DMD: variants seen among roughly 807,000 people sequenced by gnomAD.
DMD encodes the protein mutant dystrophin.
DMD carries 63 observed loss-of-function variants against 330.1 expected under a neutral mutation model. That is an observed-to-expected ratio of 0.19 (90% CI 0.16 to 0.24). The LOEUF (loss-of-function observed/expected upper bound fraction) is 0.24, where lower values mean the gene tolerates loss of function less well. Among genes scored for constraint, DMD ranks in the 10% least tolerant of loss-of-function variants. The pLI is 1.00. For missense variants in DMD, 3,344 were observed against 2,684.1 expected, an observed-to-expected ratio of 1.25 and a Z score of -5.43; for synonymous variants, 1,223 against 959.8, an observed-to-expected ratio of 1.27 and a Z score of -5.07.
chrX:33,268,907 C>CAA (rs202219233), intron 1 of DMD, among the ~76,000 whole-genome samples: 677 of 43,258 alleles, frequency 0.016, 18 homozygotes, highest in African/African-American at 0.041. Context: ...GCCTGGGTGA[C>CAA]AAAAAAAAAA....
chrX:33,324,699 C>T (rs940437381), intron 1 of DMD, among the ~76,000 whole-genome samples: 1 of 111,312 alleles, frequency 9.0e-6, no homozygotes, highest in African/African-American at 3.3e-5. Flanking sequence ...CTCCCACACA[C>T]TTTTGACCTG....
At chrX:32,217,253 A>T (rs969081920) in intron 43 of DMD, among the ~76,000 whole-genome samples, 190 bp from the exon 44 acceptor site, 1 of 111,665 alleles carries the variant, frequency 9.0e-6, no homozygotes, top group Non-Finnish European at 1.9e-5. Context: ...ACAACATTTT[A>T]AAAAAATACT....
At chrX:31,812,690 C>T (rs1325096424) in intron 50 of DMD, among the ~76,000 whole-genome samples, 1 of 111,783 alleles carries the variant, frequency 8.9e-6, no homozygotes, top group Non-Finnish European at 1.9e-5. Context: ...ATGAAGATAA[C>T]TAAATCACTG....
At chrX:33,089,063 C>A (rs868651446) in intron 1 of DMD, among the ~76,000 whole-genome samples, 2 of 89,445 alleles carry the variant, frequency 2.2e-5, no homozygotes, top group Admixed American at 2.4e-4. Flanking sequence ...CTACTCAATT[C>A]ATTTTTTTTT....
chrX:32,261,827 AT>A (rs1361282857), intron 43 of DMD, among the ~76,000 whole-genome samples: 2 of 111,312 alleles, frequency 1.8e-5, no homozygotes, highest in Non-Finnish European at 3.8e-5. Context: ...TTTCTGGGAA[AT>A]TTTTTCGTGG....
At position 32,658,428 on chromosome X, in the gene DMD, C is replaced by G. The variant is rs377727770; in HGVS notation, c.961-13276G>C. Among the ~76,000 whole-genome samples, 3 of 111,296 alleles carry G rather than the reference C, an allele frequency of 2.7e-5. No individual in the cohort carries two copies. In the South Asian group the frequency reaches 1.1e-3, roughly 42 times the overall value. ...AAGACCAGATGCCCCCAACTCAGCT[C>G]TGTCACTGCAAATTGTAGCCCCAAA... On this transcript the variant is annotated intron_variant, in intron 9 of 78. Transcript: ENST00000357033.
intron 41 of DMD, among the ~76,000 whole-genome samples, chrX:32,332,308 T>C (rs978700544): frequency 2.7e-5 from 3 of 110,133 alleles, no homozygotes; most frequent in Non-Finnish European, 5.7e-5. Context: ...GCTCTACTTC[T>C]AGGTAGGGAA....
chrX:32,715,787 C>G (rs2065658546), intron 7 of DMD, among the ~76,000 whole-genome samples: 1 of 110,768 alleles, frequency 9.0e-6, no homozygotes, highest in South Asian at 3.8e-4. Flanking sequence ...GAGACTTCAT[C>G]TCAAAACAGA....
intron 44 of DMD, among the ~76,000 whole-genome samples, chrX:32,097,546 A>T (rs1456202510): frequency 9.0e-6 from 1 of 111,558 alleles, no homozygotes; most frequent in Non-Finnish European, 1.9e-5. Context: ...TCACTTTCTT[A>T]TCCTAAGGAA....
chrX:32,072,898 C>T lies in DMD; in HGVS notation c.6439-104384G>A, dbSNP rs1222032544. Among the ~76,000 whole-genome samples the T allele has an allele frequency of 2.2e-4, 24 of 111,477 alleles. No individual in the cohort carries two copies. The Admixed American group carries it at 2.3e-3, about 11-fold the overall frequency. On this transcript the variant is annotated intron_variant, in intron 44 of 78. Coordinates refer to ENST00000357033, the MANE Select transcript of DMD (RefSeq NM_004006.3). ...TTTTTTTTTAGTGTTTAATACTCGG[C>T]AAAGGACAGACATAGCCTGCGATGC...
chrX:32,627,713 TG>T (rs746366546), intron 11 of DMD, among the ~76,000 whole-genome samples: 2 of 110,939 alleles, frequency 1.8e-5, no homozygotes, highest in Admixed American at 1.9e-4. Context: ...AAGTCATTTA[TG>T]GCACTGATTA....
At chrX:32,621,219 AGACG>A (rs2057965286) in intron 11 of DMD, among the ~76,000 whole-genome samples, 1 of 111,634 alleles carries the variant, frequency 9.0e-6, no homozygotes. Flanking sequence ...AACTCTTTCT[AGACG>A]GAAAGAAAGA....
chrX:32,330,415 A>G (rs1370267207), intron 41 of DMD, among the ~76,000 whole-genome samples: 1 of 111,997 alleles, frequency 8.9e-6, no homozygotes, highest in African/African-American at 3.2e-5. Context: ...TTAAGTAATC[A>G]TTGAAGAATC....
intron 44 of DMD, among the ~76,000 whole-genome samples, chrX:32,041,896 G>A (rs919576955): frequency 1.9e-5 from 2 of 106,207 alleles, no homozygotes; most frequent in African/African-American, 6.9e-5. Flanking sequence ...AACTTTGGTG[G>A]GGGTATGATA....
intron 43 of DMD, among the ~76,000 whole-genome samples, chrX:32,265,623 G>A (rs762448847): frequency 2.1e-4 from 24 of 112,482 alleles, no homozygotes; most frequent in Non-Finnish European, 3.2e-4. Context: ...ACCCTGCAAC[G>A]CCAAAGGAGT....
At chrX:32,012,848 TAC>T (rs1193365044) in intron 44 of DMD, among the ~76,000 whole-genome samples, 1 of 111,215 alleles carries the variant, frequency 9.0e-6, no homozygotes, top group East Asian at 2.8e-4. Context: ...AACTGCAACT[TAC>T]AGTCAACGTA....
chrX:32,343,374 C>T (rs1417246440), intron 39 of DMD, 88 bp from the exon 40 acceptor site: 4 of 873,317 alleles, frequency 4.6e-6, no homozygotes, highest in Non-Finnish European at 6.5e-6. Context: ...AATTTGCGTC[C>T]CTCATCTTTT....
intron 52 of DMD, among the ~76,000 whole-genome samples, chrX:31,692,885 G>A (rs1045954742): frequency 9.0e-6 from 1 of 111,249 alleles, no homozygotes; most frequent in African/African-American, 3.3e-5. Context: ...AAACTCTTTT[G>A]GAAAACTAAA....
chrX:32,743,375 A>AT (rs2069556672), intron 7 of DMD, among the ~76,000 whole-genome samples: 1 of 111,293 alleles, frequency 9.0e-6, no homozygotes, highest in Admixed American at 9.6e-5. Flanking sequence ...TTTCCTACTC[A>AT]TATTCCCTAG....
Sources: gnomAD v4.1 joint callset for allele counts (sites outside exome capture counted in the v4.1 genomes callset) on GRCh38, gnomAD v4.1.1 for gene constraint, MANE v1.5 for transcripts, NCBI Gene and HGNC (gene_info 2026-07-23, HGNC 2026-07-21) for gene names.